The following ATP10B variants were observed in gnomAD, a reference collection of about 807,000 sequenced individuals.
ATP10B encodes ATPase phospholipid transporting 10B (putative), also known as phospholipid-transporting ATPase VB.
A neutral mutation model predicts 141.2 loss-of-function variants in ATP10B; 122 were observed. The ratio of observed to expected loss-of-function variants is 0.86; its 90% confidence interval spans 0.75 to 1.00. ATP10B has a LOEUF of 1.00. ATP10B is among the 50% of genes least tolerant of loss of function. The pLI is 0.00. For synonymous variants in ATP10B, 685 were observed against 692.0 expected, an observed-to-expected ratio of 0.99 and a Z score of 0.16; for missense variants, 1,876 against 1,825.3, an observed-to-expected ratio of 1.03 and a Z score of -0.51.
At chr5:160,848,163 T>G (rs1294001934) in intron 1 of ATP10B, among the ~76,000 whole-genome samples, 1 of 152,140 alleles carries the variant, frequency 6.6e-6, no homozygotes, top group Non-Finnish European at 1.5e-5. Context: ...GATCTTCAAG[T>G]CTTTACTGTC....
At chr5:160,886,112 A>G in the ATP10B span, among the ~76,000 whole-genome samples, 1 of 152,148 alleles carries the variant, frequency 6.6e-6, no homozygotes, top group South Asian at 2.1e-4. Context: ...CCATCGGGGG[A>G]ATTTTTAGAA....
the ATP10B span, among the ~76,000 whole-genome samples, chr5:160,907,517 G>A: frequency 5.7e-4 from 87 of 151,958 alleles, no homozygotes; most frequent in African/African-American, 1.6e-3. Context: ...GTGTGACTGC[G>A]CCCAGCTAAT....
chr5:160,667,091 A>G (rs894195876), intron 7 of ATP10B, among the ~76,000 whole-genome samples: 2 of 152,004 alleles, frequency 1.3e-5, no homozygotes, highest in Non-Finnish European at 2.9e-5. Context: ...GGTGGCCGGC[A>G]CCTGTAGTCC....
intron 2 of ATP10B, among the ~76,000 whole-genome samples, chr5:160,739,755 C>T (rs1475441304): frequency 1.3e-5 from 2 of 152,140 alleles, no homozygotes; most frequent in Non-Finnish European, 2.9e-5. Context: ...TATGGATATT[C>T]ATTTTATATC....
chr5:160,911,340 A>G, the ATP10B span, among the ~76,000 whole-genome samples: 1 of 152,222 alleles, frequency 6.6e-6, no homozygotes, highest in East Asian at 1.9e-4. Flanking sequence ...GTTTTAAAAC[A>G]ATGACTGAGA....
chr5:160,820,312 C>A (rs552753231), intron 1 of ATP10B, among the ~76,000 whole-genome samples: 32 of 151,838 alleles, frequency 2.1e-4, no homozygotes, highest in African/African-American at 4.8e-4. Context: ...TGCAACCTAC[C>A]AAGAGTCAAC....
the ATP10B span, among the ~76,000 whole-genome samples, chr5:160,898,249 C>A: frequency 6.6e-6 from 1 of 152,056 alleles, no homozygotes; most frequent in African/African-American, 2.4e-5. Flanking sequence ...GCAATCTATC[C>A]ATCTGACAAA....
chr5:160,799,642 C>T (rs1561866792), intron 1 of ATP10B, among the ~76,000 whole-genome samples: 2 of 152,148 alleles, frequency 1.3e-5, no homozygotes, highest in African/African-American at 2.4e-5. Context: ...TTCAGATGAA[C>T]ATTTACAGTC....
intron 6 of ATP10B, among the ~76,000 whole-genome samples, chr5:160,682,288 T>G (rs958548620): frequency 6.6e-6 from 1 of 152,224 alleles, no homozygotes; most frequent in Non-Finnish European, 1.5e-5. Context: ...CATATATAAT[T>G]TGGCCATGCA....
At chr5:160,828,443 GAC>G (rs1241764739) in intron 1 of ATP10B, among the ~76,000 whole-genome samples, 6 of 152,070 alleles carry the variant, frequency 3.9e-5, no homozygotes, top group Admixed American at 2.6e-4. Context: ...GCAGCCAAAA[GAC>G]ACATAAAAAA....
At chr5:160,566,554 CG>C (rs1754547821) in intron 25 of ATP10B, among the ~76,000 whole-genome samples, 1 of 152,150 alleles carries the variant, frequency 6.6e-6, no homozygotes, top group Non-Finnish European at 1.5e-5. Flanking sequence ...GAGACGTTAA[CG>C]GATCTCCCTG....
chr5:160,643,371 AG>A (rs1006589739), intron 9 of ATP10B, among the ~76,000 whole-genome samples: 2 of 152,160 alleles, frequency 1.3e-5, no homozygotes, highest in African/African-American at 2.4e-5. Flanking sequence ...TTTCCAGCAA[AG>A]GTAGATGCTC....
chr5:160,817,245 T>G (rs1440594574), intron 1 of ATP10B, among the ~76,000 whole-genome samples: 1 of 152,160 alleles, frequency 6.6e-6, no homozygotes, highest in East Asian at 1.9e-4. Flanking sequence ...ATTGTATATC[T>G]AGAAAACTCC....
At chr5:160,878,477 G>A in the ATP10B span, among the ~76,000 whole-genome samples, 2 of 152,108 alleles carry the variant, frequency 1.3e-5, no homozygotes, top group African/African-American at 4.8e-5. Flanking sequence ...GCATGGGCAA[G>A]GACACTTCAT....
At position 160,774,301 on chromosome 5, in the gene ATP10B, G is replaced by A. The variant is rs148021329; in HGVS notation, c.-331+11258C>T. Reference sequence around the variant, plus strand: ...TGGCTGTGCAAAGCAGCCTCCAGGCGTTATCACATTTCCCCCGGAGAAGCA... The same window carrying A: ...TGGCTGTGCAAAGCAGCCTCCAGGCATTATCACATTTCCCCCGGAGAAGCA... On this transcript the variant is annotated intron_variant, in intron 2 of 25. Transcript: ENST00000327245. Among the ~76,000 whole-genome samples the A allele has an allele frequency of 1.5e-3, 225 of 152,300 alleles. 3 individuals carry two copies. The highest frequency in any genetic ancestry group is 5.1e-3 in the African/African-American group (213 of 41,576).
At chr5:160,698,473 C>T (rs1253463595) in intron 3 of ATP10B, among the ~76,000 whole-genome samples, 3 of 152,064 alleles carry the variant, frequency 2.0e-5, no homozygotes, top group Non-Finnish European at 2.9e-5. Context: ...TATATTTTCT[C>T]GATTAATTAA....
rs540191056 is a variant in ATP10B at position 160,647,258 on chromosome 5, C to T, written c.761+1913G>A. 2.0e-5 allele frequency among the ~76,000 whole-genome samples: 3 copies of T among 152,200 alleles called. No homozygotes were observed. In the South Asian group the frequency reaches 6.2e-4, roughly 32 times the overall value. On this transcript the variant is annotated intron_variant, in intron 8 of 25. Coordinates refer to ENST00000327245, the MANE Select transcript of ATP10B (RefSeq NM_025153.3). The stretch of plus-strand genomic sequence containing the variant: ...TTCTGGGAAACCCAGAGGCATCAGA[C>T]CAGTGGGTCTGCTCAGGAAGAAGGT...
chr5:160,781,227 T>C (rs1333703414), intron 2 of ATP10B, among the ~76,000 whole-genome samples: 2 of 152,166 alleles, frequency 1.3e-5, no homozygotes, highest in Non-Finnish European at 2.9e-5. Context: ...TTGGACTCAG[T>C]AGGATGGTCT....
chr5:160,647,448 G>A (rs1293201657), intron 8 of ATP10B, among the ~76,000 whole-genome samples: 2 of 152,210 alleles, frequency 1.3e-5, no homozygotes, highest in Non-Finnish European at 2.9e-5. Context: ...AGGAAGGACA[G>A]GTCTCCCAGA....
Sources: allele counts gnomAD v4.1 joint callset (sites outside exome capture counted in the v4.1 genomes callset), GRCh38; gene constraint gnomAD v4.1.1; transcripts MANE v1.5; gene names NCBI Gene and HGNC (gene_info 2026-07-23, HGNC 2026-07-21).